Variants in ASIC2 observed in about 807,000 individuals in gnomAD.
ASIC2 encodes acid-sensing ion channel 2.
Under a neutral mutation model 57.3 loss-of-function variants are expected in ASIC2, and 25 were observed. That is an observed-to-expected ratio of 0.44 (90% CI 0.32 to 0.61). ASIC2 has a LOEUF of 0.61. Ranked by LOEUF, ASIC2 falls within the 20% of genes least tolerant of loss-of-function variation. The pLI is 0.06. For missense variants in ASIC2, 641 were observed against 738.1 expected, an observed-to-expected ratio of 0.87 and a Z score of 1.52; for synonymous variants, 319 against 307.5, an observed-to-expected ratio of 1.04 and a Z score of -0.39.
At chr17:33,117,915 C>T (rs1597586496) in intron 1 of ASIC2, among the ~76,000 whole-genome samples, 1 of 152,146 alleles carries the variant, frequency 6.6e-6, no homozygotes, top group Non-Finnish European at 1.5e-5. Context: ...CTTATGTCCA[C>T]ACAATACCAA....
chr17:33,481,805 ACGAGCTGCCTCAGCCTTGT>A (rs1328589195), intron 1 of ASIC2, among the ~76,000 whole-genome samples: 3 of 152,124 alleles, frequency 2.0e-5, no homozygotes, highest in Admixed American at 6.5e-5. Context: ...ATGGCCTTGA[ACGAGCTGCCTCAGCCTTGT>A]CGCCGCTCCA....
intron 1 of ASIC2, among the ~76,000 whole-genome samples, chr17:34,104,421 G>A (rs2142103512): frequency 1.3e-5 from 2 of 152,108 alleles, no homozygotes; most frequent in Non-Finnish European, 2.9e-5. Context: ...TTTGTTTATA[G>A]AAACAAATTC....
intron 1 of ASIC2, among the ~76,000 whole-genome samples, chr17:33,704,195 G>A (rs1326819024): frequency 6.6e-6 from 1 of 152,180 alleles, no homozygotes; most frequent in South Asian, 2.1e-4. Context: ...CTCCTGAAGA[G>A]AGCATGCACG....
intron 1 of ASIC2, among the ~76,000 whole-genome samples, chr17:33,352,637 A>C (rs1485734763): frequency 6.6e-6 from 1 of 152,160 alleles, no homozygotes; most frequent in Admixed American, 6.5e-5. Flanking sequence ...CCAACTTTGC[A>C]AGACTGGAGA....
intron 1 of ASIC2, among the ~76,000 whole-genome samples, chr17:33,275,246 TC>T (rs1904658325): frequency 6.6e-6 from 1 of 152,098 alleles, no homozygotes; most frequent in Non-Finnish European, 1.5e-5. Flanking sequence ...ACAATTCCCC[TC>T]CCACCCAGAA....
chr17:33,981,325 G>A (rs1189939773), intron 1 of ASIC2, among the ~76,000 whole-genome samples: 1 of 152,140 alleles, frequency 6.6e-6, no homozygotes, highest in Non-Finnish European at 1.5e-5. Flanking sequence ...CCTTCCTGGG[G>A]ACCCAGTCTG....
At chr17:33,535,842 T>TCCCACCTCTACTCCAGCCTC (rs1389927642) in intron 1 of ASIC2, among the ~76,000 whole-genome samples, 1 of 152,180 alleles carries the variant, frequency 6.6e-6, no homozygotes, top group Non-Finnish European at 1.5e-5. Flanking sequence ...GAAACAGAGT[T>TCCCACCTCTACTCCAGCCTC]CCCACCTCTA....
At chr17:34,007,934 C>G (rs1398953913) in intron 1 of ASIC2, among the ~76,000 whole-genome samples, 1 of 152,162 alleles carries the variant, frequency 6.6e-6, no homozygotes, top group African/African-American at 2.4e-5. Flanking sequence ...GGCTCCCCCA[C>G]CCCCTCCAAC....
At chr17:33,107,222 C>A (rs1291827285) in intron 2 of ASIC2, among the ~76,000 whole-genome samples, 1 of 152,210 alleles carries the variant, frequency 6.6e-6, no homozygotes, top group Admixed American at 6.5e-5. Context: ...ATGAAATCTG[C>A]ACTTCTACAG....
intron 1 of ASIC2, among the ~76,000 whole-genome samples, chr17:34,119,629 AC>A (rs1911539431): frequency 1.3e-5 from 2 of 151,446 alleles, no homozygotes; most frequent in Non-Finnish European, 1.5e-5. Context: ...ACACACACAC[AC>A]ACACACACAC....
intron 1 of ASIC2, among the ~76,000 whole-genome samples, chr17:33,677,645 CA>C (rs1907867077): frequency 6.6e-6 from 1 of 152,056 alleles, no homozygotes; most frequent in Admixed American, 6.6e-5. Flanking sequence ...TTCAAGGCTT[CA>C]GGGGAGGAAG....
At chr17:34,015,743 G>A (rs146406291) in intron 1 of ASIC2, among the ~76,000 whole-genome samples, 287 of 152,280 alleles carry the variant, frequency 1.9e-3, no homozygotes, top group African/African-American at 6.6e-3. Flanking sequence ...TTTTAGGTTT[G>A]GACTTTGCCA....
chr17:33,927,408 G>A (rs910543379), intron 1 of ASIC2, among the ~76,000 whole-genome samples: 1 of 152,196 alleles, frequency 6.6e-6, no homozygotes, highest in African/African-American at 2.4e-5. Flanking sequence ...TAAGCCATGA[G>A]GGTTACATTC....
At chr17:33,897,962 A>G (rs1301966705) in intron 1 of ASIC2, among the ~76,000 whole-genome samples, 1 of 152,196 alleles carries the variant, frequency 6.6e-6, no homozygotes, top group African/African-American at 2.4e-5. Context: ...GGTAATGGGA[A>G]CTAGTTATCC....
intron 1 of ASIC2, among the ~76,000 whole-genome samples, chr17:33,290,404 A>C (rs1263126088): frequency 6.6e-6 from 1 of 152,068 alleles, no homozygotes; most frequent in Non-Finnish European, 1.5e-5. Flanking sequence ...GCCCAAACCC[A>C]CCTAAGGGAC....
chr17:33,015,996 T>C lies in ASIC2; in HGVS notation c.1565A>G (p.Asp522Gly), dbSNP rs1414843550. 4.3e-6 allele frequency: 7 copies of C among 1,614,110 alleles called. No homozygotes were observed. Among genetic ancestry groups the C allele is most frequent in the Non-Finnish European group, 5.9e-6 (7 of 1,179,990 alleles). ...CACATTCTCATCGTGGCTCCCTTCG[T>C]CCTCCTCTTTGCCAAGCAGGTCTAA... ...KLLDLLGKEE[D>G]EGSHDENVST... Residue 522 changes from aspartate to glycine, a missense_variant, in exon 9 of 10, where the codon GAC (aspartate) becomes GGC (glycine). This residue lies in a region of ASIC2 where 252 missense variants were observed against 319.8 expected (regional missense o/e 0.79). Transcript: ENST00000225823.
chr17:33,885,240 G>A (rs533697596), intron 1 of ASIC2, among the ~76,000 whole-genome samples: 12 of 152,132 alleles, frequency 7.9e-5, no homozygotes, highest in Non-Finnish European at 1.5e-4. Flanking sequence ...ATACTTTTCC[G>A]CTGTGCCACT....
chr17:33,697,943 A>G (rs1908580372), intron 1 of ASIC2, among the ~76,000 whole-genome samples: 1 of 152,232 alleles, frequency 6.6e-6, no homozygotes, highest in South Asian at 2.1e-4. Context: ...GTTGTACTGC[A>G]CGTTGTAGAT....
At chr17:33,856,109 T>C (rs76131480) in intron 1 of ASIC2, among the ~76,000 whole-genome samples, 4,105 of 152,212 alleles carry the variant, frequency 0.027, 78 homozygotes, top group Non-Finnish European at 0.044. Context: ...TAGAAGAGTG[T>C]ACACAAGGCA....
Sources: gnomAD v4.1 joint callset for allele counts (sites outside exome capture counted in the v4.1 genomes callset) on GRCh38, gnomAD v4.1.1 for gene constraint, gnomAD v4.1.1 regional missense constraint, MANE v1.5 for transcripts, NCBI Gene and HGNC (gene_info 2026-07-23, HGNC 2026-07-21) for gene names.